Variants in DLGAP2 observed in about 807,000 individuals in gnomAD.
The protein encoded by DLGAP2 is disks large-associated protein 2.
In DLGAP2, 26 loss-of-function variants were observed where a neutral mutation model predicts 100.3. The observed-to-expected ratio is 0.26, with a 90% CI of 0.19 to 0.36. The LOEUF (loss-of-function observed/expected upper bound fraction) is 0.36, where lower values mean the gene tolerates loss of function less well. Ranked by LOEUF, DLGAP2 falls within the 10% of genes least tolerant of loss-of-function variation. The probability of loss-of-function intolerance (pLI) is 1.00; values close to 1 mark genes in which losing one functional copy is unlikely to be tolerated. For synonymous variants in DLGAP2, 886 were observed against 630.1 expected, an observed-to-expected ratio of 1.41 and a Z score of -6.08; for missense variants, 1,858 against 1,453.2, an observed-to-expected ratio of 1.28 and a Z score of -4.53.
At position 880,623 on chromosome 8, in the gene DLGAP2, C is replaced by T. The variant is rs545821575; in HGVS notation, c.19-27289C>T. On this transcript the variant is annotated intron_variant, in intron 1 of 14. Coordinates refer to ENST00000637795, the MANE Select transcript of DLGAP2 (RefSeq NM_001346810.2). ...CGTCCAGTGTGTGTCCCCTCTCCAG[C>T]CCTTGCCTGCGACATGGCATCCGTG... Among the ~76,000 whole-genome samples, 12 of 147,092 alleles carry T rather than the reference C, an allele frequency of 8.2e-5. No individual in the cohort carries two copies. In the South Asian group the frequency reaches 2.5e-3, roughly 31 times the overall value.
intron 2 of DLGAP2, among the ~76,000 whole-genome samples, chr8:995,602 T>G (rs1429951182): frequency 1.3e-5 from 2 of 152,150 alleles, no homozygotes; most frequent in African/African-American, 4.8e-5. Flanking sequence ...AGGAAGAATC[T>G]CCCCTGTCCC....
At chr8:1,506,605 G>T (rs935492766) in intron 4 of DLGAP2, among the ~76,000 whole-genome samples, 13 of 152,290 alleles carry the variant, frequency 8.5e-5, no homozygotes, top group African/African-American at 3.1e-4. Context: ...GACGATCTCA[G>T]CAGGTTGCCA....
intron 2 of DLGAP2, among the ~76,000 whole-genome samples, chr8:1,126,110 T>C (rs934215596): frequency 1.3e-5 from 2 of 152,236 alleles, no homozygotes; most frequent in Non-Finnish European, 2.9e-5. Flanking sequence ...CAGTGTCTGA[T>C]GGCCCCTGCG....
intron 1 of DLGAP2, among the ~76,000 whole-genome samples, chr8:859,374 A>G (rs1797346530): frequency 6.6e-6 from 1 of 152,174 alleles, no homozygotes; most frequent in South Asian, 2.1e-4. Context: ...GGCCTCCCAA[A>G]GGGCTGGGAT....
chr8:1,249,296 G>C (rs1290329647), intron 2 of DLGAP2, among the ~76,000 whole-genome samples: 1 of 152,158 alleles, frequency 6.6e-6, no homozygotes, highest in Non-Finnish European at 1.5e-5. Flanking sequence ...GGGTCCCGTG[G>C]GAAGGTCTCA....
chr8:1,684,383 G>C (rs1162999214), intron 12 of DLGAP2, among the ~76,000 whole-genome samples: 1 of 152,008 alleles, frequency 6.6e-6, no homozygotes, highest in Non-Finnish European at 1.5e-5. Flanking sequence ...TAAAAGGTAA[G>C]ATGATAACCT....
chr8:915,445 G>A lies in DLGAP2; in HGVS notation c.73+7479G>A, dbSNP rs953569795. Among the ~76,000 whole-genome samples the A allele has an allele frequency of 3.9e-5, 6 of 152,142 alleles. No individual in the cohort carries two copies. The East Asian group carries it at 1.2e-3, about 29-fold the overall frequency. On this transcript the variant is annotated intron_variant, in intron 2 of 14. Coordinates refer to ENST00000637795, the MANE Select transcript of DLGAP2 (RefSeq NM_001346810.2). ...ACCTGTAGTCCTAGCTACTCGGGAG[G>A]CTGAGGCAGGAGAATGGTGTGAGCC...
At chr8:1,079,858 C>T (rs1803744520) in intron 2 of DLGAP2, among the ~76,000 whole-genome samples, 1 of 152,214 alleles carries the variant, frequency 6.6e-6, no homozygotes, top group Non-Finnish European at 1.5e-5. Flanking sequence ...CACAGGAGAG[C>T]AGCTTTTGAT....
At position 1,425,929 on chromosome 8, in the gene DLGAP2, C is replaced by T. The variant is rs190138446; in HGVS notation, c.107-75437C>T. Among the ~76,000 whole-genome samples the T allele has an allele frequency of 6.2e-3, 949 of 152,246 alleles. 3 individuals carry two copies. Among genetic ancestry groups the T allele is most frequent in the Non-Finnish European group, 8.8e-3 (601 of 68,020 alleles). ...AGGAGACTGGGGAAAAGCAAAATAG[C>T]CAGGACCTGATGTAGGGCTTATGGA... On this transcript the variant is annotated intron_variant, in intron 3 of 14. Coordinates refer to ENST00000637795, the MANE Select transcript of DLGAP2 (RefSeq NM_001346810.2).
chr8:974,723 C>A (rs573130048), intron 2 of DLGAP2, among the ~76,000 whole-genome samples: 10 of 152,076 alleles, frequency 6.6e-5, no homozygotes, highest in Non-Finnish European at 1.5e-4. Flanking sequence ...TTCAACTTAT[C>A]AAAATTTTTG....
intron 2 of DLGAP2, among the ~76,000 whole-genome samples, chr8:1,255,257 G>T (rs539429382): frequency 1.1e-5 from 1 of 93,528 alleles, no homozygotes; most frequent in Admixed American, 9.3e-5. Context: ...ATCCTGCCCG[G>T]GTGCTGTGTG....
chr8:1,635,511 T>C (rs1167395730), intron 8 of DLGAP2, among the ~76,000 whole-genome samples: 1 of 152,222 alleles, frequency 6.6e-6, no homozygotes, highest in Non-Finnish European at 1.5e-5. Context: ...TATGTGTGCG[T>C]GTGTGGTGTA....
At chr8:1,660,751 C>T (rs1459473300) in intron 8 of DLGAP2, among the ~76,000 whole-genome samples, 1 of 152,152 alleles carries the variant, frequency 6.6e-6, no homozygotes, top group African/African-American at 2.4e-5. Context: ...CACATATTCC[C>T]TCCTGCAGAG....
At chr8:1,468,148 C>T (rs971244442) in intron 3 of DLGAP2, among the ~76,000 whole-genome samples, 1 of 152,222 alleles carries the variant, frequency 6.6e-6, no homozygotes, top group Non-Finnish European at 1.5e-5. Flanking sequence ...GGCCCTGAGT[C>T]CCCAGCAGCC....
chr8:1,269,329 G>C (rs1013692787), intron 3 of DLGAP2, among the ~76,000 whole-genome samples: 2 of 152,204 alleles, frequency 1.3e-5, no homozygotes, highest in Admixed American at 6.5e-5. Context: ...TCCTGGTACG[G>C]GGAGGATGGG....
At chr8:907,582 T>A (rs1313176803) in intron 1 of DLGAP2, among the ~76,000 whole-genome samples, 1 of 152,196 alleles carries the variant, frequency 6.6e-6, no homozygotes, top group East Asian at 1.9e-4. Context: ...ATCACAAAAA[T>A]TGGTGGGTCC....
intron 1 of DLGAP2, among the ~76,000 whole-genome samples, chr8:848,043 A>C (rs1359533414): frequency 3.3e-5 from 5 of 151,994 alleles, no homozygotes; most frequent in African/African-American, 9.7e-5. Flanking sequence ...GTTACTCTTC[A>C]GTTCTGTGTT....
chr8:1,167,224 T>C (rs995483592), intron 2 of DLGAP2, among the ~76,000 whole-genome samples: 1 of 152,138 alleles, frequency 6.6e-6, no homozygotes, highest in Non-Finnish European at 1.5e-5. Flanking sequence ...ATGCATGAAA[T>C]TCACAAGCAA....
chr8:1,490,304 A>T (rs908496235), intron 3 of DLGAP2, among the ~76,000 whole-genome samples: 6 of 152,212 alleles, frequency 3.9e-5, no homozygotes, highest in Non-Finnish European at 5.9e-5. Context: ...TGCCACATCG[A>T]AGCACCTTAC....
Sources: gnomAD v4.1 joint callset for allele counts (sites outside exome capture counted in the v4.1 genomes callset) on GRCh38, gnomAD v4.1.1 for gene constraint, MANE v1.5 for transcripts, NCBI Gene and HGNC (gene_info 2026-07-23, HGNC 2026-07-21) for gene names.